RASSF3: variants seen among roughly 807,000 people sequenced by gnomAD.
RASSF3 encodes the protein Ras association domain family member 3.
RASSF3 carries 19 observed loss-of-function variants against 19.9 expected under a neutral mutation model. The observed-to-expected ratio is 0.96, with a 90% confidence interval of 0.67 to 1.40. The LOEUF (loss-of-function observed/expected upper bound fraction) is 1.40, where lower values mean the gene tolerates loss of function less well. Among genes scored for constraint, RASSF3 ranks in the 40% most tolerant of loss-of-function variants. RASSF3 has a pLI of 0.00. For missense variants in RASSF3, 306 were observed against 289.8 expected (o/e 1.06, Z -0.41); for synonymous variants, 110 against 104.2 (o/e 1.06, Z -0.34).
chr12:64,643,172 A>G (rs1335054730), intron 1 of RASSF3, among the ~76,000 whole-genome samples: 1 of 152,066 alleles, frequency 6.6e-6, no homozygotes, highest in Non-Finnish European at 1.5e-5. Flanking sequence ...GGCCCGGGCA[A>G]GTTTCTTAAT....
intron 1 of RASSF3, among the ~76,000 whole-genome samples, chr12:64,652,778 T>A (rs1016196759): frequency 6.6e-6 from 1 of 152,184 alleles, no homozygotes; most frequent in Non-Finnish European, 1.5e-5. Flanking sequence ...ACTTGGGAAA[T>A]GTTGATTTTG....
rs1870305612 is a variant in RASSF3, at chr12:64,610,514, C to G, written c.-119C>G. 2.9e-6 allele frequency: 1 copy of G among 341,766 alleles called. No homozygotes were observed. The highest frequency in any genetic ancestry group is 8.0e-4 in the Middle Eastern group (1 of 1,250). The allele number at this position is 341,766 out of a possible 1,614,324, so 21.2% of individuals were successfully genotyped here. A position where few individuals can be genotyped will look rare whatever the true frequency, so the allele number is the denominator to read the frequency against. On this transcript the variant is annotated 5_prime_UTR_variant, in exon 1 of 5. Coordinates refer to ENST00000542104, the MANE Select transcript of RASSF3 (RefSeq NM_178169.4). ...GAGCCTGATTGAGCGGCGGCCGCAG[C>G]TGCATAAGGACTGCCCGGGGCTGCG...
At chr12:64,604,206 G>A (rs938104542) in intron 2 of RASSF3, among the ~76,000 whole-genome samples, 1 of 149,484 alleles carries the variant, frequency 6.7e-6, no homozygotes, top group African/African-American at 2.5e-5. Context: ...GCTCACTGTA[G>A]CCTTGACCTC....
chr12:64,512,028 C>T (rs547123852), intron 1 of RASSF3, among the ~76,000 whole-genome samples: 1 of 152,310 alleles, frequency 6.6e-6, no homozygotes, highest in Admixed American at 6.5e-5. Flanking sequence ...ACCCACCTCT[C>T]ACCACAGGGA....
At chr12:64,629,291 A>G (rs1049291980) in intron 1 of RASSF3, among the ~76,000 whole-genome samples, 3 of 149,986 alleles carry the variant, frequency 2.0e-5, no homozygotes, top group African/African-American at 7.4e-5. Context: ...TTTTTTTTGT[A>G]GAGATGGGGT....
chr12:64,597,917 C>A (rs1161681620), intron 2 of RASSF3, among the ~76,000 whole-genome samples: 2 of 151,304 alleles, frequency 1.3e-5, no homozygotes, highest in Admixed American at 6.6e-5. Flanking sequence ...CTGACCAAAT[C>A]TTTTATTTAT....
At chr12:64,519,912 A>G (rs575870365) in intron 1 of RASSF3, among the ~76,000 whole-genome samples, 41 of 152,152 alleles carry the variant, frequency 2.7e-4, no homozygotes, top group Non-Finnish European at 5.0e-4. Context: ...TATAGGCTCT[A>G]GAACAAAACT....
At chr12:64,652,297 C>G (rs1871985916) in intron 1 of RASSF3, among the ~76,000 whole-genome samples, 1 of 152,106 alleles carries the variant, frequency 6.6e-6, no homozygotes, top group South Asian at 2.1e-4. Context: ...GATAAACTTT[C>G]TGTATCTTTC....
At chr12:64,564,488 T>G (rs954662001) in intron 2 of RASSF3, among the ~76,000 whole-genome samples, 9 of 152,214 alleles carry the variant, frequency 5.9e-5, no homozygotes, top group African/African-American at 2.2e-4. Context: ...GTTCAAGCTA[T>G]TCTCCTGCCT....
chr12:64,675,652 T>C (rs533299069), intron 1 of RASSF3, among the ~76,000 whole-genome samples: 4 of 152,130 alleles, frequency 2.6e-5, no homozygotes, highest in Non-Finnish European at 4.4e-5. Flanking sequence ...CCCTTGTTCA[T>C]TCCAGTTGCC....
upstream of RASSF3, among the ~76,000 whole-genome samples, chr12:64,530,432 C>T (rs557921253): frequency 6.6e-6 from 1 of 152,096 alleles, no homozygotes; most frequent in South Asian, 2.1e-4. Flanking sequence ...TGTGAGCCAC[C>T]GTGCCTGGCC....
intron 1 of RASSF3, among the ~76,000 whole-genome samples, chr12:64,643,703 G>C (rs1797699): frequency 0.78 from 119,009 of 152,038 alleles, 46,921 homozygotes; most frequent in South Asian, 0.83. Flanking sequence ...TGTTTTTTCT[G>C]TCCTACAACT....
At position 64,549,715 on chromosome 12, in the gene RASSF3, A is replaced by T. The variant is rs151296505; in HGVS notation, c.294+8010A>T. Among the ~76,000 whole-genome samples, 443 of 152,270 alleles carry T rather than the reference A, an allele frequency of 2.9e-3. 2 individuals carry two copies. The highest frequency in any genetic ancestry group is 4.5e-3 in the Non-Finnish European group (307 of 68,010). Reference sequence around the variant, plus strand: ...GCACAGCCTCTCTCTCCTGAGCCCCATAAGCGGAGGTAGGGATACAGTAGT... The same window carrying T: ...GCACAGCCTCTCTCTCCTGAGCCCCTTAAGCGGAGGTAGGGATACAGTAGT... On this transcript the variant is annotated intron_variant, in intron 2 of 5. Transcript: ENST00000637125.
chr12:64,693,439 G>T (rs1260830198), intron 4 of RASSF3, among the ~76,000 whole-genome samples: 1 of 150,446 alleles, frequency 6.6e-6, no homozygotes, highest in Non-Finnish European at 1.5e-5. Flanking sequence ...TTTTTAAAGA[G>T]ACTAGGTCTT....
At chr12:64,550,222 T>C (rs561381401) in intron 2 of RASSF3, among the ~76,000 whole-genome samples, 4 of 152,222 alleles carry the variant, frequency 2.6e-5, no homozygotes, top group South Asian at 4.1e-4. Context: ...GCGTTTTATT[T>C]TGTGTAAATT....
chr12:64,597,327 T>C (rs1458660286), intron 2 of RASSF3, among the ~76,000 whole-genome samples: 4 of 152,112 alleles, frequency 2.6e-5, no homozygotes, highest in Middle Eastern at 3.4e-3. Flanking sequence ...GAGACAGAGT[T>C]TCACCATGTT....
chr12:64,564,259 A>G (rs1869392987), intron 2 of RASSF3, among the ~76,000 whole-genome samples: 1 of 152,260 alleles, frequency 6.6e-6, no homozygotes, highest in Admixed American at 6.5e-5. Flanking sequence ...GAATCTTTAT[A>G]AACAAGAAGC....
At chr12:64,629,261 C>A (rs1406654203) in intron 1 of RASSF3, among the ~76,000 whole-genome samples, 2 of 151,952 alleles carry the variant, frequency 1.3e-5, no homozygotes, top group Non-Finnish European at 2.9e-5. Context: ...GCCACCACAC[C>A]CAGCTAATTT....
exon 1 of RASSF3, chr12:64,507,139 G>T (rs1044277684): frequency 2.3e-5 from 9 of 398,420 alleles, no homozygotes; most frequent in Non-Finnish European, 2.2e-5. Context: ...GTCATATGTG[G>T]GTGTTACTGT....
Sources: gnomAD v4.1 joint callset for allele counts (sites outside exome capture counted in the v4.1 genomes callset) on GRCh38, gnomAD v4.1.1 for gene constraint, MANE v1.5 for transcripts, NCBI Gene and HGNC (gene_info 2026-07-23, HGNC 2026-07-21) for gene names.